The following ATP10B variants were observed in gnomAD, a reference collection of about 807,000 sequenced individuals.
ATP10B encodes the protein ATPase phospholipid transporting 10B (putative).
A neutral mutation model predicts 141.2 loss-of-function variants in ATP10B; 122 were observed. That is an observed-to-expected ratio of 0.86 (90% CI 0.75 to 1.00). The LOEUF is 1.00. Among genes scored for constraint, ATP10B ranks in the 50% least tolerant of loss-of-function variants. The pLI, the probability that ATP10B is intolerant of heterozygous loss-of-function variation, is 0.00. For missense variants in ATP10B, 1,876 were observed against 1,825.3 expected (o/e 1.03, Z -0.51); for synonymous variants, 685 against 692.0 (o/e 0.99, Z 0.16).
At chr5:160,706,078 T>G (rs1764996177) in intron 3 of ATP10B, among the ~76,000 whole-genome samples, 1 of 152,186 alleles carries the variant, frequency 6.6e-6, no homozygotes, top group Non-Finnish European at 1.5e-5. Flanking sequence ...ATTTAGAGAT[T>G]AAGTTTGCCA....
intron 3 of ATP10B, among the ~76,000 whole-genome samples, chr5:160,695,391 G>A (rs1764300443): frequency 6.6e-6 from 1 of 152,168 alleles, no homozygotes. Flanking sequence ...ACAGAGGGAT[G>A]GGACCTTGTG....
intron 22 of ATP10B, among the ~76,000 whole-genome samples, chr5:160,592,722 T>G (rs141467797): frequency 1.2e-4 from 18 of 152,372 alleles, no homozygotes; most frequent in African/African-American, 4.1e-4. Context: ...AATACTGTGC[T>G]TTTCCAACAG....
intron 1 of ATP10B, among the ~76,000 whole-genome samples, chr5:160,807,677 A>ATTT: frequency 6.6e-6 from 1 of 152,260 alleles, no homozygotes; most frequent in South Asian, 2.1e-4. Context: ...GGATAACTGA[A>ATTT]CACTCTCTGT....
At chr5:160,755,549 C>T (rs2127829257) in intron 2 of ATP10B, among the ~76,000 whole-genome samples, 1 of 150,978 alleles carries the variant, frequency 6.6e-6, no homozygotes, top group East Asian at 1.9e-4. Flanking sequence ...GGCGCGGTGG[C>T]TCACGCCTGT....
the ATP10B span, among the ~76,000 whole-genome samples, chr5:160,891,813 ACT>A: frequency 5.9e-5 from 9 of 152,144 alleles, no homozygotes; most frequent in Non-Finnish European, 1.0e-4. Flanking sequence ...ATTTTCCTTG[ACT>A]CTATTCATTT....
At chr5:160,898,857 A>G in the ATP10B span, among the ~76,000 whole-genome samples, 1 of 152,150 alleles carries the variant, frequency 6.6e-6, no homozygotes, top group African/African-American at 2.4e-5. Context: ...GACATGGATG[A>G]AGCTGGAAAC....
At chr5:160,568,091 AC>A (rs1204839731) in intron 25 of ATP10B, among the ~76,000 whole-genome samples, 1 of 152,104 alleles carries the variant, frequency 6.6e-6, no homozygotes, top group Non-Finnish European at 1.5e-5. Context: ...CTCTAGAGAT[AC>A]CCAGATTTCT....
At chr5:160,925,410 C>T in the ATP10B span, among the ~76,000 whole-genome samples, 9 of 152,158 alleles carry the variant, frequency 5.9e-5, no homozygotes, top group Non-Finnish European at 1.3e-4. Flanking sequence ...TTATTATCAC[C>T]CCCGTTTGTA....
intron 2 of ATP10B, among the ~76,000 whole-genome samples, chr5:160,761,568 A>C (rs1166188194): frequency 6.6e-6 from 1 of 152,222 alleles, no homozygotes; most frequent in Non-Finnish European, 1.5e-5. Flanking sequence ...CCTGTGGGAC[A>C]AAAGAATCTG....
At chr5:160,897,820 A>G in the ATP10B span, among the ~76,000 whole-genome samples, 16 of 152,352 alleles carry the variant, frequency 1.1e-4, no homozygotes, top group Non-Finnish European at 2.2e-4. Context: ...CCAGAACAGC[A>G]TGGAACTGGT....
intron 13 of ATP10B, among the ~76,000 whole-genome samples, chr5:160,628,112 C>G (rs987962857): frequency 1.3e-4 from 20 of 152,354 alleles, no homozygotes; most frequent in African/African-American, 4.6e-4. Context: ...GAATCAAGAA[C>G]TGGGAAAGTC....
chr5:160,688,133 C>T (rs768709652), intron 4 of ATP10B, 39 bp from the exon 5 acceptor site: 189 of 1,568,848 alleles, frequency 1.2e-4, no homozygotes, highest in Non-Finnish European at 1.5e-4. Context: ...TTAGGAGAAA[C>T]GTGCAGCATG....
chr5:160,616,891 C>A (rs1758051298), intron 16 of ATP10B, among the ~76,000 whole-genome samples: 1 of 152,074 alleles, frequency 6.6e-6, no homozygotes, highest in Admixed American at 6.5e-5. Flanking sequence ...TGTTGCTGTC[C>A]CAGGTGCTGC....
chr5:160,857,193 G>A (rs975217335), upstream of ATP10B, among the ~76,000 whole-genome samples: 2 of 151,734 alleles, frequency 1.3e-5, no homozygotes, highest in African/African-American at 4.8e-5. Flanking sequence ...GTCTGGAAAT[G>A]TCTTTTTTGG....
At chr5:160,687,766 A>G (rs1763847987) in intron 5 of ATP10B, 34 bp downstream of exon 5, 1 of 1,590,420 alleles carries the variant, frequency 6.3e-7, no homozygotes, top group African/African-American at 1.3e-5. Context: ...CTCTTTCTCT[A>G]AAAAGAGTAT....
chr5:160,770,373 C>T (rs1472448625), intron 2 of ATP10B, among the ~76,000 whole-genome samples: 1 of 152,054 alleles, frequency 6.6e-6, no homozygotes, highest in Non-Finnish European at 1.5e-5. Flanking sequence ...AAAACACGGG[C>T]CTTGGAATTG....
At chr5:160,836,398 A>C (rs1775437152) in intron 1 of ATP10B, among the ~76,000 whole-genome samples, 1 of 152,028 alleles carries the variant, frequency 6.6e-6, no homozygotes, top group Admixed American at 6.6e-5. Flanking sequence ...TGACTGAATT[A>C]TTTGTGTAAT....
At chr5:160,657,472 GC>G (rs1184091461) in intron 7 of ATP10B, among the ~76,000 whole-genome samples, 2 of 152,178 alleles carry the variant, frequency 1.3e-5, no homozygotes, top group Non-Finnish European at 2.9e-5. Context: ...GTCCCTGCCT[GC>G]CCTAGTGATT....
rs143264260 is a variant in ATP10B, at chr5:160,758,411, A to G, written c.-331+27148T>C. On this transcript the variant is annotated intron_variant, in intron 2 of 25. Coordinates refer to ENST00000327245, the MANE Select transcript of ATP10B (RefSeq NM_025153.3). ...GATACATGGCAGATATTATTATTAT[A>G]GAGGCCGAAACATGCACTTCAGAAA... 8.6e-3 allele frequency among the ~76,000 whole-genome samples: 1,306 copies of G among 152,314 alleles called. 7 individuals are homozygous for G. The highest frequency in any genetic ancestry group is 0.013 in the Non-Finnish European group (884 of 68,028).
Sources: allele counts gnomAD v4.1 joint callset (sites outside exome capture counted in the v4.1 genomes callset), GRCh38; gene constraint gnomAD v4.1.1; transcripts MANE v1.5; gene names NCBI Gene and HGNC (gene_info 2026-07-23, HGNC 2026-07-21).